The following SCAPER variants were observed in gnomAD, a reference collection of about 807,000 sequenced individuals.
SCAPER encodes the protein S phase cyclin A-associated protein in the endoplasmic reticulum.
A neutral mutation model predicts 182.2 loss-of-function variants in SCAPER; 98 were observed. That is an observed-to-expected ratio of 0.54 (90% CI 0.46 to 0.64). SCAPER has a LOEUF of 0.64. Among genes scored for constraint, SCAPER ranks in the 30% least tolerant of loss-of-function variants. The probability of loss-of-function intolerance (pLI) is 0.00; values close to 1 mark genes in which losing one functional copy is unlikely to be tolerated. For synonymous variants in SCAPER, 605 were observed against 564.6 expected (o/e 1.07, Z -1.01); for missense variants, 1,432 against 1,690.0 (o/e 0.85, Z 2.68).
intron 23 of SCAPER, among the ~76,000 whole-genome samples, chr15:76,519,566 A>T (rs2144258068): frequency 6.6e-6 from 1 of 152,346 alleles, no homozygotes; most frequent in East Asian, 1.9e-4. Flanking sequence ...TGAGCTCCTT[A>T]TGGGCATGGA....
intron 22 of SCAPER, among the ~76,000 whole-genome samples, chr15:76,581,805 C>T (rs1022678833): frequency 3.9e-5 from 6 of 152,002 alleles, no homozygotes; most frequent in Admixed American, 2.6e-4. Context: ...AGGCTGGTCT[C>T]GAACTCCTGA....
At chr15:76,782,559 C>A (rs1425257215) in intron 8 of SCAPER, among the ~76,000 whole-genome samples, 1 of 152,126 alleles carries the variant, frequency 6.6e-6, no homozygotes, top group Non-Finnish European at 1.5e-5. Context: ...ACTCTCCAAC[C>A]CAAATCAACA....
At chr15:76,794,312 G>GT (rs1568158757) in intron 8 of SCAPER, among the ~76,000 whole-genome samples, 1 of 152,122 alleles carries the variant, frequency 6.6e-6, no homozygotes, top group Non-Finnish European at 1.5e-5. Flanking sequence ...ATTCCTTTAA[G>GT]TTTTTTGCAA....
In SCAPER at chr15:76,565,856, T is replaced by C. The variant is rs190428097; in HGVS notation, c.2838+8302A>G. 3.1e-3 allele frequency among the ~76,000 whole-genome samples: 476 copies of C among 152,306 alleles called. 5 individuals are homozygous for C. The highest frequency in any genetic ancestry group is 0.011 in the African/African-American group (454 of 41,582). ...AACATCTTCATTTTACTTTGGGCTA[T>C]ATACTTGTCACCTTTTGACAAAATA... On this transcript the variant is annotated intron_variant, in intron 23 of 31. Coordinates refer to ENST00000563290, the MANE Select transcript of SCAPER (RefSeq NM_020843.4).
intron 5 of SCAPER, among the ~76,000 whole-genome samples, chr15:76,813,249 A>AAAAAAAAAAAAAAAAAAAAC (rs2066805442): frequency 3.3e-5 from 2 of 60,188 alleles, no homozygotes; most frequent in Non-Finnish European, 9.3e-5. Context: ...AAAAAAAAAA[A>AAAAAAAAAAAAAAAAAAAAC]AAAAAACAAC....
chr15:76,758,190 T>C (rs2062564422), intron 14 of SCAPER, among the ~76,000 whole-genome samples: 1 of 152,138 alleles, frequency 6.6e-6, no homozygotes. Context: ...TTTCTGCAAG[T>C]TTTTTTCTAA....
intron 29 of SCAPER, among the ~76,000 whole-genome samples, chr15:76,374,085 A>C (rs1453817615): frequency 1.3e-5 from 1 of 79,294 alleles, no homozygotes; most frequent in Non-Finnish European, 2.4e-5. Flanking sequence ...AAAAATTAGA[A>C]AGTTTAATCA....
At chr15:76,503,037 T>C (rs566035019) in intron 24 of SCAPER, among the ~76,000 whole-genome samples, 1 of 151,640 alleles carries the variant, frequency 6.6e-6, no homozygotes, top group East Asian at 1.9e-4. Flanking sequence ...CTTAGTGTCA[T>C]GCACGTTGAA....
chr15:76,357,315 T>C (rs561626274), intron 29 of SCAPER, among the ~76,000 whole-genome samples: 1 of 152,298 alleles, frequency 6.6e-6, no homozygotes, highest in South Asian at 2.1e-4. Flanking sequence ...TCTTTAAATA[T>C]ATTCTTTTTG....
chr15:76,515,648 C>T (rs750536294), intron 23 of SCAPER, among the ~76,000 whole-genome samples: 11 of 152,166 alleles, frequency 7.2e-5, no homozygotes, highest in African/African-American at 1.9e-4. Context: ...TCCATCATAA[C>T]ACTTTTGCTT....
Position 76,825,537 on chromosome 15 carries a change from C to A in SCAPER, c.393+16197G>T, listed in dbSNP as rs539137749. Among the ~76,000 whole-genome samples, 104 of 151,764 alleles carry A rather than the reference C, an allele frequency of 6.9e-4. 1 individual carries two copies. The highest frequency in any genetic ancestry group is 2.5e-3 in the Admixed American group (38 of 15,250). On this transcript the variant is annotated intron_variant, in intron 5 of 31. Transcript: ENST00000563290. Reference sequence around the variant, plus strand: ...ACATCTCACTTTCTAAGTTATTAGTCAAAAAAAATGTTATTCTTAAAATAT... The same window carrying A: ...ACATCTCACTTTCTAAGTTATTAGTAAAAAAAAATGTTATTCTTAAAATAT...
intron 20 of SCAPER, among the ~76,000 whole-genome samples, chr15:76,695,789 A>G (rs1333994221): frequency 2.0e-5 from 3 of 152,116 alleles, no homozygotes; most frequent in Non-Finnish European, 4.4e-5. Flanking sequence ...AATAAGCTAT[A>G]TATGTGTGTG....
chr15:76,814,264 A>G (rs551259557), intron 5 of SCAPER, among the ~76,000 whole-genome samples: 41 of 152,362 alleles, frequency 2.7e-4, no homozygotes, highest in African/African-American at 8.7e-4. Flanking sequence ...AACAATGCTA[A>G]AATTTGTATG....
chr15:76,898,447 G>A (rs929186238), intron 1 of SCAPER, among the ~76,000 whole-genome samples: 3 of 152,144 alleles, frequency 2.0e-5, no homozygotes, highest in Non-Finnish European at 2.9e-5. Flanking sequence ...ACTTCTAGAG[G>A]AATATTCACA....
At chr15:76,627,152 A>G (rs1225676919) in intron 21 of SCAPER, among the ~76,000 whole-genome samples, 4 of 152,124 alleles carry the variant, frequency 2.6e-5, no homozygotes, top group African/African-American at 9.7e-5. Context: ...ACTCCCTCTC[A>G]GTCATAATGT....
chr15:76,857,817 T>C lies in SCAPER; in HGVS notation c.187A>G (p.Thr63Ala), dbSNP rs368182302. Reference sequence around the variant, plus strand: ...AGTTATAGATGCTGTACCTGTTTAGTAGTTTTATGAGTGCCTTGAATGGTC... The same window carrying C: ...AGTTATAGATGCTGTACCTGTTTAGCAGTTTTATGAGTGCCTTGAATGGTC... ...KRTIQGTHKT[T>A]KQSTAVDCKI... The change falls in exon 4 of 32, where the codon ACT becomes GCT. Residue 63 changes from threonine (T) to alanine (A), a missense_variant. This residue lies in a region of SCAPER where 480 missense variants were observed against 510.2 expected (regional missense o/e 0.94). Coordinates refer to ENST00000563290, the MANE Select transcript of SCAPER (RefSeq NM_020843.4). 5.7e-5 allele frequency: 87 copies of C among 1,539,662 alleles called. No individual in the cohort carries two copies. The African/African-American group carries it at 1.1e-3, about 19-fold the overall frequency.
At chr15:76,802,903 T>C (rs181040336) in intron 6 of SCAPER, among the ~76,000 whole-genome samples, 18 of 152,306 alleles carry the variant, frequency 1.2e-4, no homozygotes, top group Non-Finnish European at 1.5e-5. Flanking sequence ...TCTTTTGCCT[T>C]TGTACAGAAC....
chr15:76,815,397 T>C lies in SCAPER; in HGVS notation c.394-10764A>G, dbSNP rs929319177. Among the ~76,000 whole-genome samples, 16 of 152,206 alleles carry C rather than the reference T, an allele frequency of 1.1e-4. 1 individual carries two copies. Among genetic ancestry groups the C allele is most frequent in the Admixed American group, 9.2e-4 (14 of 15,286 alleles). The stretch of plus-strand genomic sequence containing the variant: ...AATGGATAAATGGGTAAAGAAATTG[T>C]GGTGTATATATACACACACATACAT... On this transcript the variant is annotated intron_variant, in intron 5 of 31. Coordinates refer to ENST00000563290, the MANE Select transcript of SCAPER (RefSeq NM_020843.4).
chr15:76,902,537 T>C (rs533250635), intron 1 of SCAPER, among the ~76,000 whole-genome samples: 59 of 152,360 alleles, frequency 3.9e-4, no homozygotes, highest in African/African-American at 1.3e-3. Context: ...AAACAGAATT[T>C]TATTAATGAT....
Sources: gnomAD v4.1 joint callset for allele counts (sites outside exome capture counted in the v4.1 genomes callset) on GRCh38, gnomAD v4.1.1 for gene constraint, gnomAD v4.1.1 regional missense constraint, MANE v1.5 for transcripts, NCBI Gene and HGNC (gene_info 2026-07-23, HGNC 2026-07-21) for gene names.